The following ZFYVE9 variants were observed in gnomAD, a reference collection of about 807,000 sequenced individuals.
The protein encoded by ZFYVE9 is zinc finger FYVE-type containing 9.
A neutral mutation model predicts 126.7 loss-of-function variants in ZFYVE9; 43 were observed. That is an observed-to-expected ratio of 0.34 (90% CI 0.27 to 0.44). The LOEUF (loss-of-function observed/expected upper bound fraction) is 0.44, where lower values mean the gene tolerates loss of function less well. Among genes scored for constraint, ZFYVE9 ranks in the 20% least tolerant of loss-of-function variants. The probability of loss-of-function intolerance (pLI) is 1.00; values close to 1 mark genes in which losing one functional copy is unlikely to be tolerated. For missense variants in ZFYVE9, 1,476 were observed against 1,697.0 expected (o/e 0.87, Z 2.29); for synonymous variants, 521 against 597.4 (o/e 0.87, Z 1.87).
intron 12 of ZFYVE9, among the ~76,000 whole-genome samples, chr1:52,299,649 G>A (rs1320928703): frequency 6.6e-6 from 1 of 152,208 alleles, no homozygotes; most frequent in African/African-American, 2.4e-5. Flanking sequence ...CTGGGGCAGG[G>A]AGGTGCCATG....
At chr1:52,171,504 G>T (rs1644569069) in intron 1 of ZFYVE9, among the ~76,000 whole-genome samples, 1 of 152,020 alleles carries the variant, frequency 6.6e-6, no homozygotes. Flanking sequence ...TAGTCCTTTG[G>T]GTATATACCC....
intron 13 of ZFYVE9, among the ~76,000 whole-genome samples, chr1:52,316,699 G>A (rs1646188829): frequency 6.6e-6 from 1 of 152,120 alleles, no homozygotes; most frequent in Non-Finnish European, 1.5e-5. Flanking sequence ...TGCACAGTGA[G>A]AGAACTGGTA....
chr1:52,241,517 A>G (rs1230470928), intron 4 of ZFYVE9, among the ~76,000 whole-genome samples: 1 of 152,208 alleles, frequency 6.6e-6, no homozygotes, highest in Non-Finnish European at 1.5e-5. Context: ...CATTTTTGGT[A>G]TAGGCCAGCA....
At position 52,238,597 on chromosome 1, in the gene ZFYVE9, T is replaced by C; in HGVS notation, c.1180T>C (p.Ser394Pro). 1 of 1,614,060 alleles carries C rather than the reference T, an allele frequency of 6.2e-7. No homozygotes were observed. Among genetic ancestry groups the C allele is most frequent in the Non-Finnish European group, 8.5e-7 (1 of 1,179,956 alleles). Reference protein sequence around the residue: ...TEFLNMTEHFSESQDMTNWKL... With the variant: ...TEFLNMTEHFPESQDMTNWKL... ...ATTCCTTAATATGACAGAGCATTTC[T>C]CTGAATCTCAGGACATGACTAATTG... Residue 394 changes from serine to proline, a missense_variant, in exon 4 of 19, where the codon TCT (serine) becomes CCT (proline). This residue lies in a region of ZFYVE9 where 807 missense variants were observed against 794.6 expected (regional missense o/e 1.02). Coordinates refer to ENST00000287727, the MANE Select transcript of ZFYVE9 (RefSeq NM_004799.4).
chr1:52,259,553 C>T (rs1645557956), intron 4 of ZFYVE9, among the ~76,000 whole-genome samples: 1 of 151,186 alleles, frequency 6.6e-6, no homozygotes, highest in Admixed American at 6.6e-5. Flanking sequence ...TTTGGGAGGC[C>T]CAGGCGGGCA....
intron 2 of ZFYVE9, among the ~76,000 whole-genome samples, chr1:52,228,779 T>C (rs928223211): frequency 3.3e-5 from 5 of 152,232 alleles, no homozygotes; most frequent in African/African-American, 1.2e-4. Context: ...TCTCAAAATG[T>C]TAATTTATGC....
At chr1:52,320,289 C>G (rs1035658519) in intron 13 of ZFYVE9, among the ~76,000 whole-genome samples, 1 of 151,952 alleles carries the variant, frequency 6.6e-6, no homozygotes, top group Non-Finnish European at 1.5e-5. Context: ...AGGCTGGTCT[C>G]GAACTCCTGA....
chr1:52,198,173 G>A (rs619793), intron 1 of ZFYVE9, among the ~76,000 whole-genome samples: 106,065 of 139,646 alleles, frequency 0.76, 43,396 homozygotes, highest in Non-Finnish European at 0.9. Flanking sequence ...CCAAACTGGA[G>A]TTCAGTGATG....
At chr1:52,306,461 C>T (rs1220205129) in intron 13 of ZFYVE9, among the ~76,000 whole-genome samples, 1 of 152,236 alleles carries the variant, frequency 6.6e-6, no homozygotes, top group Non-Finnish European at 1.5e-5. Flanking sequence ...ACTCATAAAG[C>T]TCCTCTTCAC....
At chr1:52,270,253 G>A (rs1333244856) in intron 7 of ZFYVE9, among the ~76,000 whole-genome samples, 1 of 151,940 alleles carries the variant, frequency 6.6e-6, no homozygotes, top group Non-Finnish European at 1.5e-5. Context: ...GTTCTTTATA[G>A]CTTTAATTTT....
At chr1:52,239,822 A>G (rs975835579) in intron 4 of ZFYVE9, among the ~76,000 whole-genome samples, 8 of 152,186 alleles carry the variant, frequency 5.3e-5, no homozygotes, top group Admixed American at 5.2e-4. Flanking sequence ...ATCAGTTTTT[A>G]TGAAGAGATG....
chr1:52,206,606 C>T (rs1375216400), intron 1 of ZFYVE9, among the ~76,000 whole-genome samples: 2 of 152,090 alleles, frequency 1.3e-5, no homozygotes, highest in African/African-American at 2.4e-5. Flanking sequence ...AGTGCAGTGG[C>T]ATGATCTCGG....
chr1:52,319,938 G>A (rs1344500665), intron 13 of ZFYVE9, among the ~76,000 whole-genome samples: 5 of 150,046 alleles, frequency 3.3e-5, no homozygotes, highest in Admixed American at 1.3e-4. Context: ...TCTTGAACCC[G>A]GGAGGCAGAG....
intron 12 of ZFYVE9, among the ~76,000 whole-genome samples, chr1:52,297,038 C>T (rs1203867524): frequency 6.6e-6 from 1 of 152,010 alleles, no homozygotes; most frequent in African/African-American, 2.4e-5. Flanking sequence ...AACTCCTGGC[C>T]TCAATGATTC....
chr1:52,274,150 A>T lies in ZFYVE9; in HGVS notation c.2626-314A>T, dbSNP rs372167509. Reference sequence around the variant, plus strand: ...TTTCTTTTGCCACTACAGTTTTTTAAAAATATTTTTCTCTTATGGCAAAAG... The same window carrying T: ...TTTCTTTTGCCACTACAGTTTTTTATAAATATTTTTCTCTTATGGCAAAAG... On this transcript the variant is annotated intron_variant, in intron 7 of 18. Coordinates refer to ENST00000287727, the MANE Select transcript of ZFYVE9 (RefSeq NM_004799.4). 2.0e-5 allele frequency among the ~76,000 whole-genome samples: 3 copies of T among 152,282 alleles called. No homozygotes were observed. The East Asian group carries it at 5.8e-4, about 29-fold the overall frequency.
At position 52,159,081 on chromosome 1, in the gene ZFYVE9, C is replaced by T. The variant is rs529204833; in HGVS notation, c.-143+16678C>T. Among the ~76,000 whole-genome samples, 17 of 152,280 alleles carry T rather than the reference C, an allele frequency of 1.1e-4. No homozygotes were observed. The South Asian group carries it at 1.5e-3, about 13-fold the overall frequency. On this transcript the variant is annotated intron_variant, in intron 1 of 18. Transcript: ENST00000287727. ...TGCTGGGATTACAGGCATGAGCCAC[C>T]GCGCCCGGCTATTCTTGTATGTTTT...
chr1:52,331,167 C>T (rs1646337719), intron 13 of ZFYVE9, among the ~76,000 whole-genome samples: 2 of 152,020 alleles, frequency 1.3e-5, no homozygotes, highest in Admixed American at 1.3e-4. Context: ...CCGGGCCTGG[C>T]CTGCAACACT....
At chr1:52,248,438 T>C (rs932063193) in intron 4 of ZFYVE9, among the ~76,000 whole-genome samples, 1 of 152,172 alleles carries the variant, frequency 6.6e-6, no homozygotes, top group Non-Finnish European at 1.5e-5. Context: ...CCCACCCCCA[T>C]TGAGAGTGGG....
intron 9 of ZFYVE9, among the ~76,000 whole-genome samples, chr1:52,280,582 G>T (rs978725466): frequency 1.3e-4 from 20 of 152,126 alleles, no homozygotes; most frequent in Admixed American, 3.3e-4. Context: ...ATCCCATTGT[G>T]TTGGGGTATG....
Sources: allele counts gnomAD v4.1 joint callset (sites outside exome capture counted in the v4.1 genomes callset), GRCh38; gene constraint gnomAD v4.1.1; regional missense constraint gnomAD v4.1.1; transcripts MANE v1.5; gene names NCBI Gene and HGNC (gene_info 2026-07-23, HGNC 2026-07-21).